The following THSD4 variants were observed in gnomAD, a reference collection of about 807,000 sequenced individuals.
THSD4 encodes thrombospondin type 1 domain containing 4.
Under a neutral mutation model 119.0 loss-of-function variants are expected in THSD4, and 69 were observed. The observed-to-expected ratio is 0.58, with a 90% CI of 0.48 to 0.71. THSD4 has a LOEUF of 0.71. Among genes scored for constraint, THSD4 ranks in the 30% least tolerant of loss-of-function variants. The pLI, the probability that THSD4 is intolerant of heterozygous loss-of-function variation, is 0.00. For synonymous variants in THSD4, 524 were observed against 540.4 expected (o/e 0.97, Z 0.42); for missense variants, 1,393 against 1,391.1 (o/e 1.00, Z -0.02).
chr15:71,474,585 G>T (rs1470052763), intron 7 of THSD4, among the ~76,000 whole-genome samples: 7 of 152,116 alleles, frequency 4.6e-5, no homozygotes, highest in African/African-American at 1.7e-4. Context: ...GTCCACCGTT[G>T]TACCAGCTGT....
At chr15:71,366,570 G>C (rs1379603085) in intron 6 of THSD4, among the ~76,000 whole-genome samples, 4 of 152,158 alleles carry the variant, frequency 2.6e-5, no homozygotes, top group Non-Finnish European at 5.9e-5. Context: ...TTTTCCTCTG[G>C]CTGTTTTTCC....
intron 14 of THSD4, among the ~76,000 whole-genome samples, chr15:71,749,733 A>ATTTATTTATTTATTTATT (rs1256003466): frequency 6.8e-6 from 1 of 146,244 alleles, no homozygotes; most frequent in Admixed American, 6.8e-5. Flanking sequence ...TTATTTATTT[A>ATTTATTTATTTATTTATT]TTTTGAGACC....
intron 3 of THSD4, among the ~76,000 whole-genome samples, chr15:71,202,516 T>C (rs1469597706): frequency 1.3e-5 from 2 of 152,210 alleles, no homozygotes; most frequent in Non-Finnish European, 2.9e-5. Flanking sequence ...GCCTACTGAA[T>C]GCTGGGAATT....
Position 71,220,356 on chromosome 15 carries a change from A to G in THSD4, c.464+4957A>G, listed in dbSNP as rs149626225. 2.4e-3 allele frequency among the ~76,000 whole-genome samples: 359 copies of G among 152,358 alleles called. 4 individuals are homozygous for G. Among genetic ancestry groups the G allele is most frequent in the African/African-American group, 7.8e-3 (326 of 41,582 alleles). ...TGCTTCCATATCAGGCCTTTGTCTC[A>G]TTAAAACAAGCACATACGTAGTATA... On this transcript the variant is annotated intron_variant, in intron 4 of 17. Coordinates refer to ENST00000261862, the MANE Select transcript of THSD4 (RefSeq NM_024817.3).
intron 6 of THSD4, among the ~76,000 whole-genome samples, chr15:71,303,577 G>A (rs1346517025): frequency 6.6e-6 from 1 of 152,162 alleles, no homozygotes. Flanking sequence ...GTTGATATTT[G>A]GGTCTTGAAT....
At chr15:71,775,124 C>T (rs4777454) in intron 17 of THSD4, among the ~76,000 whole-genome samples, 4,325 of 151,386 alleles carry the variant, frequency 0.029, 83 homozygotes, top group Admixed American at 0.055. Flanking sequence ...CCAGCCTGCG[C>T]AACAAGAGCA....
intron 6 of THSD4, among the ~76,000 whole-genome samples, chr15:71,321,885 A>G (rs2140361397): frequency 6.6e-6 from 1 of 152,240 alleles, no homozygotes; most frequent in Middle Eastern, 3.4e-3. Flanking sequence ...AATATGGGCA[A>G]AAAATTTTAC....
intron 7 of THSD4, among the ~76,000 whole-genome samples, chr15:71,447,929 A>T (rs1490057910): frequency 6.6e-6 from 1 of 152,166 alleles, no homozygotes; most frequent in Admixed American, 6.5e-5. Flanking sequence ...CCAGGCAAAA[A>T]GAAGGACTAA....
At chr15:71,381,313 T>C (rs1053465905) in intron 6 of THSD4, among the ~76,000 whole-genome samples, 4 of 152,226 alleles carry the variant, frequency 2.6e-5, no homozygotes, top group Admixed American at 6.5e-5. Context: ...CCATAGGTAA[T>C]TTAATTTGGA....
At chr15:71,317,131 C>T (rs1166210883) in intron 6 of THSD4, among the ~76,000 whole-genome samples, 1 of 152,150 alleles carries the variant, frequency 6.6e-6, no homozygotes, top group Non-Finnish European at 1.5e-5. Flanking sequence ...AAATAGTCAA[C>T]ATACAAGTGA....
chr15:71,556,648 C>T (rs1489220805), intron 7 of THSD4, among the ~76,000 whole-genome samples: 4 of 151,854 alleles, frequency 2.6e-5, no homozygotes, highest in Non-Finnish European at 5.9e-5. Flanking sequence ...CCTATATTCC[C>T]AGCTACTGAA....
At chr15:71,666,326 T>C (rs1434652657) in intron 8 of THSD4, among the ~76,000 whole-genome samples, 6 of 152,206 alleles carry the variant, frequency 3.9e-5, no homozygotes, top group Admixed American at 3.9e-4. Flanking sequence ...GATTCTCTTT[T>C]TTTAACTTTT....
At chr15:71,351,894 A>AC (rs1166343841) in intron 6 of THSD4, among the ~76,000 whole-genome samples, 4 of 152,130 alleles carry the variant, frequency 2.6e-5, no homozygotes, top group Non-Finnish European at 4.4e-5. Context: ...TAATGTGTTT[A>AC]CCCTTCTCTG....
At chr15:71,454,531 C>T (rs1352960246) in intron 7 of THSD4, among the ~76,000 whole-genome samples, 1 of 152,166 alleles carries the variant, frequency 6.6e-6, no homozygotes, top group East Asian at 1.9e-4. Flanking sequence ...TGACACCTCG[C>T]TCTTAAGATA....
chr15:71,263,024 C>T (rs565876001), intron 6 of THSD4, among the ~76,000 whole-genome samples: 5 of 151,554 alleles, frequency 3.3e-5, no homozygotes, highest in Admixed American at 6.6e-5. Flanking sequence ...CATAGGCAAA[C>T]GTGTCATGGG....
chr15:71,452,795 A>G lies in THSD4; in HGVS notation c.1152+40972A>G, dbSNP rs560951803. ...ACACCCAGCTGATTTTTGTATTTTT[A>G]GTAGAGACGGGGTTTCACCTTGTTG... On this transcript the variant is annotated intron_variant, in intron 7 of 17. Coordinates refer to ENST00000261862, the MANE Select transcript of THSD4 (RefSeq NM_024817.3). 6.6e-5 allele frequency among the ~76,000 whole-genome samples: 10 copies of G among 152,136 alleles called. No homozygotes were observed. The East Asian group carries it at 1.6e-3, about 24-fold the overall frequency.
chr15:71,118,685 T>G (rs182398174), intron 1 of THSD4, among the ~76,000 whole-genome samples: 1 of 152,368 alleles, frequency 6.6e-6, no homozygotes, highest in Non-Finnish European at 1.5e-5. Context: ...TGCGTGTGTA[T>G]GCAGAATCGT....
At chr15:71,516,744 A>G (rs1270645875) in intron 7 of THSD4, among the ~76,000 whole-genome samples, 2 of 152,234 alleles carry the variant, frequency 1.3e-5, no homozygotes, top group Admixed American at 6.5e-5. Context: ...AACTGAAATC[A>G]TTAGTTTGAT....
intron 7 of THSD4, among the ~76,000 whole-genome samples, chr15:71,586,711 A>G (rs546040592): frequency 2.6e-5 from 4 of 152,206 alleles, no homozygotes; most frequent in Non-Finnish European, 4.4e-5. Context: ...AACATAACCT[A>G]ATTGTGGGAG....
Sources: allele counts gnomAD v4.1 joint callset (sites outside exome capture counted in the v4.1 genomes callset), GRCh38; gene constraint gnomAD v4.1.1; transcripts MANE v1.5; gene names NCBI Gene and HGNC (gene_info 2026-07-23, HGNC 2026-07-21).